ZRANB3: variants seen among roughly 807,000 people sequenced by gnomAD.
ZRANB3 encodes DNA annealing helicase and endonuclease ZRANB3.
Under a neutral mutation model 133.8 loss-of-function variants are expected in ZRANB3, and 125 were observed. The observed-to-expected ratio is 0.93, with a 90% CI of 0.81 to 1.08. The LOEUF (loss-of-function observed/expected upper bound fraction) is 1.08, where lower values mean the gene tolerates loss of function less well. ZRANB3 is among the 50% of genes least tolerant of loss of function. ZRANB3 has a pLI of 0.00. For missense variants in ZRANB3, 1,229 were observed against 1,275.5 expected (o/e 0.96, Z 0.56); for synonymous variants, 387 against 432.7 (o/e 0.89, Z 1.31).
At position 135,379,278 on chromosome 2, in the gene ZRANB3, C is replaced by T. The variant is rs138940277; in HGVS notation, c.180+11524G>A. On this transcript the variant is annotated intron_variant, in intron 3 of 20. Coordinates refer to ENST00000264159, the MANE Select transcript of ZRANB3 (RefSeq NM_032143.4). ...AGGTGACACTGATTTAAAGGACTAC[C>T]GTGTAGTCTCACCAACACACACTTT... Among the ~76,000 whole-genome samples the T allele has an allele frequency of 3.0e-3, 459 of 152,258 alleles. 2 individuals carry two copies. Among genetic ancestry groups the T allele is most frequent in the African/African-American group, 0.01 (432 of 41,556 alleles).
chr2:135,219,632 T>G (rs912161235), intron 15 of ZRANB3, among the ~76,000 whole-genome samples: 1 of 152,188 alleles, frequency 6.6e-6, no homozygotes, highest in Non-Finnish European at 1.5e-5. Flanking sequence ...CATCAAAGAA[T>G]GGTATCAAGG....
At chr2:135,530,463 C>T (rs1694478358) in intron 1 of ZRANB3, 3 of 152,290 alleles carry the variant, frequency 2.0e-5, no homozygotes, top group East Asian at 1.9e-4. Context: ...TTCCGTTCAA[C>T]TTTTTATCTC....
chr2:135,454,977 A>G (rs922800861), intron 2 of ZRANB3, among the ~76,000 whole-genome samples: 3 of 152,092 alleles, frequency 2.0e-5, no homozygotes, highest in African/African-American at 2.4e-5. Context: ...TCCAAATCCA[A>G]CAGTCTTGCT....
At chr2:135,215,913 T>C (rs547886391) in intron 17 of ZRANB3, among the ~76,000 whole-genome samples, 1 of 152,226 alleles carries the variant, frequency 6.6e-6, no homozygotes, top group East Asian at 1.9e-4. Context: ...CATCCCTTAC[T>C]TGAGACAATT....
chr2:135,399,220 C>T (rs964125320), intron 2 of ZRANB3, among the ~76,000 whole-genome samples: 7 of 152,288 alleles, frequency 4.6e-5, no homozygotes, highest in Middle Eastern at 6.8e-3. Flanking sequence ...CAGGCCCCTT[C>T]CGAGAAGCAA....
intron 6 of ZRANB3, among the ~76,000 whole-genome samples, chr2:135,332,997 T>A (rs1030378095): frequency 2.6e-5 from 4 of 152,188 alleles, no homozygotes; most frequent in African/African-American, 9.6e-5. Flanking sequence ...GCCTGAAGCC[T>A]TTTCCATGCC....
intron 3 of ZRANB3, among the ~76,000 whole-genome samples, chr2:135,362,786 ACT>A (rs1391389109): frequency 6.6e-6 from 1 of 152,138 alleles, no homozygotes; most frequent in African/African-American, 2.4e-5. Context: ...ACTGTGCCCC[ACT>A]TGAGCAAACG....
At chr2:135,266,743 C>T (rs889683567) in intron 11 of ZRANB3, among the ~76,000 whole-genome samples, 1 of 150,484 alleles carries the variant, frequency 6.6e-6, no homozygotes, top group East Asian at 1.9e-4. Flanking sequence ...CCAGCCTGGG[C>T]GATAGAGCAA....
intron 6 of ZRANB3, among the ~76,000 whole-genome samples, chr2:135,328,638 ACT>A (rs1683968861): frequency 6.6e-6 from 1 of 152,322 alleles, no homozygotes; most frequent in African/African-American, 2.4e-5. Flanking sequence ...GAATCGCCAC[ACT>A]GTCTTCCACA....
At chr2:135,478,298 T>C (rs1691590565) in intron 2 of ZRANB3, among the ~76,000 whole-genome samples, 1 of 152,084 alleles carries the variant, frequency 6.6e-6, no homozygotes, top group South Asian at 2.1e-4. Flanking sequence ...ATCTCAAGTA[T>C]ATGGCTTAAG....
chr2:135,207,310 G>T, intron 19 of ZRANB3, 124 bp downstream of exon 19: 1 of 1,165,188 alleles, frequency 8.6e-7, no homozygotes, highest in Non-Finnish European at 1.2e-6. Flanking sequence ...TGGACATATG[G>T]GTCCATTATT....
intron 1 of ZRANB3, among the ~76,000 whole-genome samples, chr2:135,514,331 T>C (rs1057077337): frequency 4.6e-5 from 7 of 152,344 alleles, no homozygotes; most frequent in Middle Eastern, 3.4e-3. Context: ...CAGTGGTTTG[T>C]AGTTCTCCTT....
chr2:135,294,562 AT>A lies in ZRANB3; in HGVS notation c.967-18808del, dbSNP rs1239166163. On this transcript the variant is annotated intron_variant, in intron 8 of 20. Transcript: ENST00000264159. The stretch of plus-strand genomic sequence containing the variant: ...AAAAAACCAGCTCCTGGATTCATTG[AT>A]TTTTTTGAAGGGTTTTTTGTGTCTC... 7.2e-5 allele frequency among the ~76,000 whole-genome samples: 11 copies of A among 151,960 alleles called. No individual in the cohort carries two copies. In the South Asian group the frequency reaches 1.9e-3, roughly 26 times the overall value.
At chr2:135,408,966 G>A (rs13427494) in intron 2 of ZRANB3, among the ~76,000 whole-genome samples, 46,929 of 151,528 alleles carry the variant, frequency 0.31, 11,269 homozygotes, top group African/African-American at 0.66. Flanking sequence ...CTAGAACTTA[G>A]AGTATAAAAA....
intron 3 of ZRANB3, among the ~76,000 whole-genome samples, chr2:135,358,196 G>A (rs1350056464): frequency 6.6e-6 from 1 of 151,980 alleles, no homozygotes; most frequent in Non-Finnish European, 1.5e-5. Context: ...TAGGTTTCTT[G>A]GGATCTCATT....
intron 8 of ZRANB3, among the ~76,000 whole-genome samples, chr2:135,287,510 G>T (rs2104789391): frequency 6.6e-6 from 1 of 152,168 alleles, no homozygotes; most frequent in African/African-American, 2.4e-5. Context: ...ATTGCTTTTG[G>T]CCATATGGTT....
intron 8 of ZRANB3, among the ~76,000 whole-genome samples, chr2:135,297,061 A>G (rs1457851679): frequency 6.6e-6 from 1 of 152,198 alleles, no homozygotes; most frequent in Non-Finnish European, 1.5e-5. Flanking sequence ...CCATTCTCAG[A>G]TCTCAAGTTG....
chr2:135,261,468 C>A (rs190640503), intron 12 of ZRANB3, among the ~76,000 whole-genome samples: 245 of 152,196 alleles, frequency 1.6e-3, no homozygotes, highest in African/African-American at 5.7e-3. Context: ...CTAACCAAAA[C>A]CAACAAAAGA....
intron 3 of ZRANB3, among the ~76,000 whole-genome samples, chr2:135,379,012 G>C (rs191678954): frequency 1.3e-5 from 2 of 152,118 alleles, no homozygotes; most frequent in East Asian, 3.9e-4. Flanking sequence ...GAGAAAACCT[G>C]CATAAAGTAT....
Sources: gnomAD v4.1 joint callset for allele counts (sites outside exome capture counted in the v4.1 genomes callset) on GRCh38, gnomAD v4.1.1 for gene constraint, MANE v1.5 for transcripts, NCBI Gene and HGNC (gene_info 2026-07-23, HGNC 2026-07-21) for gene names.